Variants in HCRTR2 observed in about 807,000 individuals in gnomAD.
The protein encoded by HCRTR2 is orexin receptor type 2.
Under a neutral mutation model 49.0 loss-of-function variants are expected in HCRTR2, and 22 were observed. The ratio of observed to expected loss-of-function variants is 0.45; its 90% CI spans 0.32 to 0.64. HCRTR2 has a LOEUF of 0.64. Among genes scored for constraint, HCRTR2 ranks in the 30% least tolerant of loss-of-function variants. HCRTR2 has a pLI of 0.04. For synonymous variants in HCRTR2, 236 were observed against 205.3 expected (o/e 1.15, Z -1.28); for missense variants, 491 against 559.4 (o/e 0.88, Z 1.23).
upstream of HCRTR2, among the ~76,000 whole-genome samples, chr6:55,171,502 T>C (rs547867774): frequency 1.3e-4 from 20 of 152,208 alleles, no homozygotes; most frequent in Non-Finnish European, 2.1e-4. Context: ...CTAAGGAAGA[T>C]ATTCACATCA....
At chr6:55,262,059 A>G (rs1766767373) in intron 3 of HCRTR2, among the ~76,000 whole-genome samples, 1 of 152,104 alleles carries the variant, frequency 6.6e-6, no homozygotes, top group South Asian at 2.1e-4. Flanking sequence ...TCTCACTCAT[A>G]AGTGGGAGGA....
At chr6:55,241,999 G>A (rs1446391461) in intron 1 of HCRTR2, among the ~76,000 whole-genome samples, 14 of 151,034 alleles carry the variant, frequency 9.3e-5, no homozygotes, top group African/African-American at 3.4e-4. Flanking sequence ...CTCCTGAGTA[G>A]CTGGGATTAC....
chr6:55,251,413 A>G (rs147103723), intron 2 of HCRTR2, among the ~76,000 whole-genome samples: 6 of 152,272 alleles, frequency 3.9e-5, no homozygotes, highest in East Asian at 1.9e-4. Flanking sequence ...TAATAATTGC[A>G]TAACTCCAAG....
At chr6:55,195,733 AG>A (rs1216640594) in intron 1 of HCRTR2, among the ~76,000 whole-genome samples, 22 of 152,128 alleles carry the variant, frequency 1.4e-4, no homozygotes, top group African/African-American at 5.3e-4. Flanking sequence ...GCACTTTGGG[AG>A]GTCGAGGTGG....
At chr6:55,230,834 C>A (rs1766100520) in intron 1 of HCRTR2, among the ~76,000 whole-genome samples, 1 of 145,582 alleles carries the variant, frequency 6.9e-6, no homozygotes, top group African/African-American at 2.6e-5. Flanking sequence ...TCCAATGAAA[C>A]AGGTCAAAGA....
rs78297513 is a variant in HCRTR2, at chr6:55,140,232, C to T, written c.-378+33687C>T. Among the ~76,000 whole-genome samples, 1,094 of 151,736 alleles carry T rather than the reference C, an allele frequency of 7.2e-3. 24 individuals are homozygous for T. The highest frequency in any genetic ancestry group is 0.057 in the East Asian group (297 of 5,168). Reference sequence around the variant, plus strand: ...CCTGTCTTTTATTTTATTTATTGCCCAGCCTCCTTTTTTCCATTATATTGA... The same window carrying T: ...CCTGTCTTTTATTTTATTTATTGCCTAGCCTCCTTTTTTCCATTATATTGA... On this transcript the variant is annotated intron_variant, in intron 1 of 7. Transcript: ENST00000615358.
chr6:55,226,563 C>G (rs1031948284), intron 1 of HCRTR2, among the ~76,000 whole-genome samples: 4 of 152,088 alleles, frequency 2.6e-5, no homozygotes, highest in African/African-American at 9.7e-5. Context: ...CACACCTTGG[C>G]CTCCCAAAGT....
At chr6:55,141,961 T>C (rs550856788) in intron 1 of HCRTR2, among the ~76,000 whole-genome samples, 4 of 152,114 alleles carry the variant, frequency 2.6e-5, no homozygotes, top group Non-Finnish European at 5.9e-5. Flanking sequence ...GGGAAATAAA[T>C]TGTAAAATTA....
intron 3 of HCRTR2, among the ~76,000 whole-genome samples, chr6:55,258,761 A>C: frequency 6.6e-6 from 1 of 152,162 alleles, no homozygotes; most frequent in East Asian, 1.9e-4. Flanking sequence ...TCCTACAGAA[A>C]GAAATTCTTT....
intron 4 of HCRTR2, among the ~76,000 whole-genome samples, chr6:55,275,220 T>C (rs1291039062): frequency 1.3e-5 from 2 of 152,216 alleles, no homozygotes; most frequent in Non-Finnish European, 2.9e-5. Flanking sequence ...TTTCAGGGTG[T>C]ATTTTTGCAT....
At chr6:55,257,089 C>T (rs889488814) in intron 3 of HCRTR2, among the ~76,000 whole-genome samples, 1 of 151,998 alleles carries the variant, frequency 6.6e-6, no homozygotes, top group African/African-American at 2.4e-5. Flanking sequence ...AAATCCACAT[C>T]ATGGATACTA....
intron 1 of HCRTR2, among the ~76,000 whole-genome samples, chr6:55,230,911 T>G (rs1447249252): frequency 6.6e-6 from 1 of 151,986 alleles, no homozygotes; most frequent in Non-Finnish European, 1.5e-5. Flanking sequence ...CACCTCTGTA[T>G]AGAATCCTTT....
At chr6:55,178,997 G>T (rs955634244) in intron 1 of HCRTR2, among the ~76,000 whole-genome samples, 9 of 152,154 alleles carry the variant, frequency 5.9e-5, no homozygotes, top group Admixed American at 5.9e-4. Flanking sequence ...AATACATTGT[G>T]AAGTATTCAT....
intron 2 of HCRTR2, among the ~76,000 whole-genome samples, chr6:55,252,553 C>A (rs1766570250): frequency 6.6e-6 from 1 of 151,896 alleles, no homozygotes; most frequent in African/African-American, 2.4e-5. Context: ...TATTGAGGGG[C>A]CCTAGGTGCT....
intron 1 of HCRTR2, among the ~76,000 whole-genome samples, chr6:55,218,977 C>T (rs1765840304): frequency 6.6e-6 from 1 of 152,070 alleles, no homozygotes. Flanking sequence ...ACATGCAACA[C>T]CATACCCAGC....
chr6:55,140,658 T>A (rs188179838), intron 1 of HCRTR2, among the ~76,000 whole-genome samples: 16 of 152,278 alleles, frequency 1.1e-4, no homozygotes, highest in South Asian at 6.2e-4. Context: ...ATACTCTCTC[T>A]CACACAAACA....
intron 1 of HCRTR2, among the ~76,000 whole-genome samples, chr6:55,175,290 G>A (rs1267724277): frequency 6.6e-6 from 1 of 152,194 alleles, no homozygotes; most frequent in East Asian, 1.9e-4. Flanking sequence ...TGTGAGCTAG[G>A]TGGCATTGCC....
intron 1 of HCRTR2, among the ~76,000 whole-genome samples, chr6:55,166,445 G>A (rs536358560): frequency 2.0e-5 from 3 of 151,854 alleles, no homozygotes; most frequent in African/African-American, 7.2e-5. Flanking sequence ...CAGCAGTAAA[G>A]CCATCCAGTT....
chr6:55,243,998 A>G (rs1766383642), intron 1 of HCRTR2, among the ~76,000 whole-genome samples: 1 of 152,120 alleles, frequency 6.6e-6, no homozygotes, highest in Non-Finnish European at 1.5e-5. Flanking sequence ...TTAAAAAGCT[A>G]TTGAAATGGA....
Sources: allele counts gnomAD v4.1 joint callset (sites outside exome capture counted in the v4.1 genomes callset), GRCh38; gene constraint gnomAD v4.1.1; transcripts MANE v1.5; gene names NCBI Gene and HGNC (gene_info 2026-07-23, HGNC 2026-07-21).